Variants in C8A observed in about 807,000 individuals in gnomAD.
C8A encodes complement C8 alpha chain.
A neutral mutation model predicts 65.3 loss-of-function variants in C8A; 67 were observed. That is an observed-to-expected ratio of 1.03 (90% CI 0.84 to 1.26). The LOEUF (loss-of-function observed/expected upper bound fraction) is 1.26. Among genes scored for constraint, C8A ranks in the 50% most tolerant of loss-of-function variants. The probability of loss-of-function intolerance (pLI) is 0.00; values close to 1 mark genes in which losing one functional copy is unlikely to be tolerated. For missense variants in C8A, 781 were observed against 723.9 expected, an observed-to-expected ratio of 1.08 and a Z score of -0.90; for synonymous variants, 290 against 259.4, an observed-to-expected ratio of 1.12 and a Z score of -1.13.
In C8A at chr1:56,881,318, G is replaced by T. The variant is rs780530319; in HGVS notation, c.465-127G>T. 2.8e-5 allele frequency: 26 copies of T among 918,558 alleles called. No individual in the cohort carries two copies. The South Asian group carries it at 3.6e-4, about 13-fold the overall frequency. The allele number at this position is 918,558 out of a possible 1,614,324, so 56.9% of individuals were successfully genotyped here. A position where few individuals can be genotyped will look rare whatever the true frequency, so the allele number is the denominator to read the frequency against. On this transcript the variant is annotated intron_variant, in intron 4 of 10. Coordinates refer to ENST00000361249, the MANE Select transcript of C8A (RefSeq NM_000562.3). Reference sequence around the variant, plus strand: ...TTATTTTAAGTTCAGGGGTACATGCGCAGGATGTGCAGGTTTGTCACATAG... The same window carrying T: ...TTATTTTAAGTTCAGGGGTACATGCTCAGGATGTGCAGGTTTGTCACATAG...
At chr1:56,912,743 G>A (rs1644519814) in intron 10 of C8A, 118 bp downstream of exon 10, 2 of 828,488 alleles carry the variant, frequency 2.4e-6, no homozygotes, top group Admixed American at 2.0e-5. Context: ...CAATACCTAG[G>A]AGCCACCCTT....
intron 9 of C8A, 88 bp from the exon 10 acceptor site, chr1:56,912,315 C>A: frequency 2.5e-6 from 3 of 1,222,190 alleles, no homozygotes; most frequent in Non-Finnish European, 3.6e-6. Flanking sequence ...ATGTATCAGG[C>A]CTTCCAGAAG....
intron 9 of C8A, among the ~76,000 whole-genome samples, chr1:56,911,665 T>C (rs566132507): frequency 6.6e-5 from 10 of 152,330 alleles, no homozygotes; most frequent in African/African-American, 1.7e-4. Flanking sequence ...AGTAAAGAAT[T>C]ATCCAACTTG....
chr1:56,856,785 T>C (rs1410967203), intron 1 of C8A, among the ~76,000 whole-genome samples: 1 of 152,040 alleles, frequency 6.6e-6, no homozygotes, highest in Non-Finnish European at 1.5e-5. Context: ...TCAGTGGATC[T>C]CTATTACATA....
chr1:56,876,069 C>A lies in C8A; in HGVS notation c.324C>A (p.Cys108Ter), dbSNP rs746135003. The change falls in exon 4 of 11, where the codon TGC becomes TGA. Residue 108 changes from cysteine to a stop codon, truncating the protein, a stop_gained. Coordinates refer to ENST00000361249, the MANE Select transcript of C8A (RefSeq NM_000562.3). LOFTEE classifies it high-confidence loss of function. The stretch of plus-strand genomic sequence containing the variant: ...ACAGTCTCTTCTCTCCAGGTCGCTG[C>A]CTGAAACGCCACCTTGTGTGTAATG... Reference protein sequence around the residue: ...QDFQCKETGRCLKRHLVCNGD... With the variant: ...QDFQCKETGR The A allele has an allele frequency of 1.4e-5, 22 of 1,613,594 alleles. No individual in the cohort carries two copies. The highest frequency in any genetic ancestry group is 1.9e-5 in the Non-Finnish European group (22 of 1,179,792).
chr1:56,906,321 G>A (rs958867475), intron 7 of C8A, among the ~76,000 whole-genome samples: 5 of 152,144 alleles, frequency 3.3e-5, no homozygotes, highest in Non-Finnish European at 2.9e-5. Context: ...TCAGGGTAAT[G>A]GTGCCTATCA....
chr1:56,864,071 A>G (rs999999030), intron 1 of C8A, among the ~76,000 whole-genome samples: 1 of 152,236 alleles, frequency 6.6e-6, no homozygotes, highest in South Asian at 2.1e-4. Context: ...GAAGAAATAA[A>G]TCATACAAAT....
chr1:56,880,214 T>A (rs926528186), intron 4 of C8A, among the ~76,000 whole-genome samples: 10 of 152,156 alleles, frequency 6.6e-5, no homozygotes, highest in Non-Finnish European at 1.5e-4. Flanking sequence ...CTGTATTTCA[T>A]CTGCTTGACA....
chr1:56,898,667 G>A (rs1231901495), intron 7 of C8A, among the ~76,000 whole-genome samples: 5 of 152,120 alleles, frequency 3.3e-5, no homozygotes, highest in African/African-American at 4.8e-5. Context: ...ACTTAGATCT[G>A]AGTATCACAC....
At chr1:56,874,032 G>A (rs903515006) in intron 2 of C8A, among the ~76,000 whole-genome samples, 3 of 152,100 alleles carry the variant, frequency 2.0e-5, no homozygotes, top group Admixed American at 6.6e-5. Flanking sequence ...GCAGTCAAAG[G>A]TGGACCCAGG....
At chr1:56,902,113 A>G (rs545813921) in intron 7 of C8A, among the ~76,000 whole-genome samples, 2 of 152,236 alleles carry the variant, frequency 1.3e-5, no homozygotes, top group East Asian at 3.9e-4. Context: ...ACCCTCCTGT[A>G]CCCTCACAGG....
intron 9 of C8A, among the ~76,000 whole-genome samples, chr1:56,910,730 T>C (rs1280890130): frequency 6.6e-6 from 1 of 152,214 alleles, no homozygotes; most frequent in Non-Finnish European, 1.5e-5. Context: ...CCGCAACCCC[T>C]GACCACAGGC....
At chr1:56,911,826 G>A (rs1157122040) in intron 9 of C8A, among the ~76,000 whole-genome samples, 2 of 152,214 alleles carry the variant, frequency 1.3e-5, no homozygotes, top group African/African-American at 2.4e-5. Context: ...AACACTACCT[G>A]TCAAGGATTT....
chr1:56,898,579 T>C (rs544940054), intron 7 of C8A, among the ~76,000 whole-genome samples: 1 of 152,310 alleles, frequency 6.6e-6, no homozygotes, highest in South Asian at 2.1e-4. Flanking sequence ...TTAGCTCAAA[T>C]AGGACTCTTC....
intron 7 of C8A, among the ~76,000 whole-genome samples, chr1:56,900,236 T>A (rs1489164183): frequency 1.3e-5 from 2 of 152,216 alleles, no homozygotes; most frequent in Non-Finnish European, 2.9e-5. Flanking sequence ...AGTAGCATGA[T>A]GAAATGGAGC....
chr1:56,881,468 ATGCTCAGAG>A lies in C8A; in HGVS notation c.491_499del (p.Ala164_Ser166del). 6.2e-7 allele frequency: 1 copy of A among 1,613,718 alleles called. No homozygotes were observed. Among genetic ancestry groups the A allele is most frequent in the African/African-American group, 1.3e-5 (1 of 75,018 alleles). On this transcript the variant is annotated inframe_deletion, in exon 5 of 11. Transcript: ENST00000361249. ...AGGTACAATATCCTGACCCAGGAAG[ATGCTCAGAG>A]TGTGTACGATGCCAGTTATTATGGG...
chr1:56,892,178 G>C (rs1644351706), intron 7 of C8A, among the ~76,000 whole-genome samples: 1 of 152,000 alleles, frequency 6.6e-6, no homozygotes, highest in African/African-American at 2.4e-5. Context: ...GCACCTCCAG[G>C]AATAACATTC....
At chr1:56,879,021 T>G (rs551684000) in intron 4 of C8A, among the ~76,000 whole-genome samples, 3 of 152,358 alleles carry the variant, frequency 2.0e-5, no homozygotes, top group African/African-American at 7.2e-5. Context: ...ATAACATAGT[T>G]AGCAAACTAT....
chr1:56,905,478 T>C (rs1644457156), intron 7 of C8A, among the ~76,000 whole-genome samples: 1 of 152,248 alleles, frequency 6.6e-6, no homozygotes. Context: ...TCATTTATTC[T>C]GAAAGTACTT....
Sources: gnomAD v4.1 joint callset for allele counts (sites outside exome capture counted in the v4.1 genomes callset) on GRCh38, gnomAD v4.1.1 for gene constraint, MANE v1.5 for transcripts, NCBI Gene and HGNC (gene_info 2026-07-23, HGNC 2026-07-21) for gene names.